PRKD1: variants seen among roughly 807,000 people sequenced by gnomAD.
PRKD1 encodes the protein protein kinase D1.
PRKD1 carries 63 observed loss-of-function variants against 95.9 expected under a neutral mutation model. The observed-to-expected ratio is 0.66, with a 90% CI of 0.54 to 0.81. The LOEUF (loss-of-function observed/expected upper bound fraction) is 0.81. PRKD1 is among the 30% of genes least tolerant of loss of function. The pLI is 0.00. For missense variants in PRKD1, 1,048 were observed against 1,165.3 expected (o/e 0.90, Z 1.47); for synonymous variants, 425 against 423.1 (o/e 1.00, Z -0.05).
At position 29,663,861 on chromosome 14, in the gene PRKD1, T is replaced by C; in HGVS notation, c.536-2A>G. ...TCTTATGGTAATTCAGACCACACCCTGGAAAGGGAAAATAAAAATTATTTT... is the reference window on the plus strand; with the variant it reads ...TCTTATGGTAATTCAGACCACACCCCGGAAAGGGAAAATAAAAATTATTTT... On this transcript the variant is annotated splice_acceptor_variant, in intron 3 of 17. Coordinates refer to ENST00000331968, the MANE Select transcript of PRKD1 (RefSeq NM_002742.3). LOFTEE classifies it high-confidence loss of function. The C allele has an allele frequency of 6.2e-7, 1 of 1,611,590 alleles. No individual in the cohort carries two copies. The highest frequency in any genetic ancestry group is 8.5e-7 in the Non-Finnish European group (1 of 1,178,216).
chr14:29,646,639 G>A (rs551307614), intron 4 of PRKD1, among the ~76,000 whole-genome samples: 8 of 151,112 alleles, frequency 5.3e-5, no homozygotes, highest in Middle Eastern at 3.4e-3. Flanking sequence ...TTTATATTTC[G>A]AAACTGTCTG....
intron 4 of PRKD1, among the ~76,000 whole-genome samples, chr14:29,645,591 C>T (rs1881073591): frequency 6.6e-6 from 1 of 152,122 alleles, no homozygotes; most frequent in Admixed American, 6.6e-5. Flanking sequence ...ATGGATCTAT[C>T]TAATTTAGCA....
chr14:29,677,676 G>A (rs1002374995), intron 2 of PRKD1, among the ~76,000 whole-genome samples: 2 of 152,196 alleles, frequency 1.3e-5, no homozygotes, highest in Admixed American at 6.5e-5. Flanking sequence ...CCCAGGTTAA[G>A]TGATTCTCCT....
At chr14:29,878,302 A>G (rs948172479) in intron 1 of PRKD1, among the ~76,000 whole-genome samples, 4 of 149,100 alleles carry the variant, frequency 2.7e-5, no homozygotes, top group Admixed American at 6.6e-5. Flanking sequence ...ATCTAAAATA[A>G]AAGTTTTTTT....
chr14:29,825,272 A>C (rs906435219), intron 1 of PRKD1, among the ~76,000 whole-genome samples: 2 of 152,176 alleles, frequency 1.3e-5, no homozygotes, highest in Admixed American at 1.3e-4. Flanking sequence ...GTTTATTTAC[A>C]ATATGATAGA....
intron 2 of PRKD1, among the ~76,000 whole-genome samples, chr14:29,696,765 T>C (rs1429866207): frequency 1.3e-5 from 2 of 152,202 alleles, no homozygotes; most frequent in Non-Finnish European, 2.9e-5. Flanking sequence ...TTTTTTTTGT[T>C]TTCTCATTTC....
chr14:29,757,760 G>A lies in PRKD1; in HGVS notation c.265-32086C>T, dbSNP rs117701566. Among the ~76,000 whole-genome samples the A allele has an allele frequency of 8.2e-4, 124 of 152,070 alleles. 3 individuals are homozygous for A. In the East Asian group the frequency reaches 0.022, roughly 26 times the overall value. ...CATAGATGAGGTCTTTCAAAGACTG[G>A]TTTAAAGGGAGTGAGAATGGAGACA... On this transcript the variant is annotated intron_variant, in intron 1 of 17. Transcript: ENST00000331968.
chr14:29,893,217 C>T (rs45554741), intron 1 of PRKD1, among the ~76,000 whole-genome samples: 1 of 151,756 alleles, frequency 6.6e-6, no homozygotes, highest in Non-Finnish European at 1.5e-5. Flanking sequence ...TTCATTACAA[C>T]AAAAATTTTA....
chr14:29,643,177 A>G (rs996398949), intron 4 of PRKD1, among the ~76,000 whole-genome samples: 1 of 151,654 alleles, frequency 6.6e-6, no homozygotes, highest in Non-Finnish European at 1.5e-5. Context: ...AATTGACATC[A>G]CTGTAAAATA....
intron 2 of PRKD1, among the ~76,000 whole-genome samples, chr14:29,694,444 T>C (rs1174268607): frequency 6.6e-6 from 1 of 152,214 alleles, no homozygotes; most frequent in Non-Finnish European, 1.5e-5. Flanking sequence ...TTTCTCAATG[T>C]TCTGATATTA....
intron 4 of PRKD1, among the ~76,000 whole-genome samples, chr14:29,652,239 T>C (rs1003542100): frequency 4.6e-5 from 7 of 152,286 alleles, no homozygotes; most frequent in Middle Eastern, 3.4e-3. Context: ...CACGGTACCT[T>C]GCCTGAGAGT....
chr14:29,631,498 G>A (rs925620619), intron 9 of PRKD1, among the ~76,000 whole-genome samples: 2 of 146,528 alleles, frequency 1.4e-5, no homozygotes, highest in Non-Finnish European at 3.0e-5. Context: ...TTTTAAAATG[G>A]TCTTTTTTTT....
chr14:29,601,670 C>T (rs914296042), intron 13 of PRKD1, among the ~76,000 whole-genome samples: 4 of 152,168 alleles, frequency 2.6e-5, no homozygotes, highest in Admixed American at 6.5e-5. Context: ...GAGCAGATAG[C>T]CAGATGGCTT....
intron 2 of PRKD1, among the ~76,000 whole-genome samples, chr14:29,702,780 A>G (rs1478215799): frequency 6.6e-6 from 1 of 152,182 alleles, no homozygotes; most frequent in South Asian, 2.1e-4. Context: ...TTGTACACTA[A>G]TAAATGCATT....
chr14:29,755,898 A>C (rs1395589253), intron 1 of PRKD1, among the ~76,000 whole-genome samples: 1 of 152,160 alleles, frequency 6.6e-6, no homozygotes, highest in Admixed American at 6.6e-5. Flanking sequence ...TTCTCTGCCC[A>C]ATCAGCCCAG....
chr14:29,731,822 G>A (rs1444373765), intron 1 of PRKD1, among the ~76,000 whole-genome samples: 8 of 150,172 alleles, frequency 5.3e-5, no homozygotes, highest in East Asian at 3.9e-4. Flanking sequence ...TTGTACACAC[G>A]TATATATGAC....
chr14:29,904,233 T>C (rs188941829), intron 1 of PRKD1, among the ~76,000 whole-genome samples: 38 of 152,254 alleles, frequency 2.5e-4, no homozygotes, highest in Non-Finnish European at 4.7e-4. Context: ...CACTGTAAAA[T>C]GATTAAGAAA....
At chr14:29,787,166 G>C (rs1190747147) in intron 1 of PRKD1, among the ~76,000 whole-genome samples, 2 of 143,136 alleles carry the variant, frequency 1.4e-5, no homozygotes, top group Non-Finnish European at 3.0e-5. Context: ...TTGATTTCTA[G>C]TTGTGTTCCA....
intron 2 of PRKD1, among the ~76,000 whole-genome samples, chr14:29,706,325 T>C (rs1326087957): frequency 6.6e-6 from 1 of 152,154 alleles, no homozygotes; most frequent in East Asian, 1.9e-4. Context: ...TGAATTTCAA[T>C]GGAAATTCAA....
Sources: allele counts gnomAD v4.1 joint callset (sites outside exome capture counted in the v4.1 genomes callset), GRCh38; gene constraint gnomAD v4.1.1; transcripts MANE v1.5; gene names NCBI Gene and HGNC (gene_info 2026-07-23, HGNC 2026-07-21).